Variants in CAMTA1 observed in about 807,000 individuals in gnomAD.
CAMTA1 encodes the protein calmodulin-binding transcription activator 1.
Under a neutral mutation model 170.9 loss-of-function variants are expected in CAMTA1, and 27 were observed. The ratio of observed to expected loss-of-function variants is 0.16; its 90% CI spans 0.12 to 0.22. CAMTA1 has a LOEUF of 0.22. Ranked by LOEUF, CAMTA1 falls within the 10% of genes least tolerant of loss-of-function variation. CAMTA1 has a pLI of 1.00. For missense variants in CAMTA1, 1,619 were observed against 2,217.2 expected (o/e 0.73, Z 5.42); for synonymous variants, 833 against 891.5 (o/e 0.93, Z 1.17).
chr1:7,577,710 T>C (rs1260862204), intron 6 of CAMTA1, among the ~76,000 whole-genome samples: 1 of 152,226 alleles, frequency 6.6e-6, no homozygotes, highest in Non-Finnish European at 1.5e-5. Context: ...CAGCCAATTT[T>C]TTCTTAAATG....
rs149969005 is a variant in CAMTA1 at position 6,820,106 on chromosome 1, G to T, written c.46-75G>T. On this transcript the variant is annotated intron_variant, in intron 1 of 22. Coordinates refer to ENST00000303635, the MANE Select transcript of CAMTA1 (RefSeq NM_015215.4). ...GATTAGATTCAGGTTTTGCATCTTG[G>T]CAGGAATATCACAGAAGAGCCAGAT... The T allele has an allele frequency of 7.3e-5, 64 of 881,548 alleles. No homozygotes were observed. In the East Asian group the frequency reaches 1.5e-3, roughly 21 times the overall value. The allele number at this position is 881,548 out of a possible 1,614,324, so 54.6% of individuals were successfully genotyped here.
intron 5 of CAMTA1, among the ~76,000 whole-genome samples, chr1:7,447,581 G>C (rs1235271013): frequency 6.6e-6 from 1 of 152,088 alleles, no homozygotes; most frequent in East Asian, 1.9e-4. Flanking sequence ...CCTGGCACTC[G>C]CTAGGCATAT....
intron 3 of CAMTA1, among the ~76,000 whole-genome samples, chr1:6,873,070 A>G (rs1557739889): frequency 1.3e-5 from 2 of 152,212 alleles, no homozygotes; most frequent in South Asian, 2.1e-4. Flanking sequence ...CTTGCCTAGT[A>G]TACTTGGATG....
rs59479089 is a variant in CAMTA1, at chr1:7,576,813, G to A, written c.511-63587G>A. On this transcript the variant is annotated intron_variant, in intron 6 of 22. Transcript: ENST00000303635. ...GAGAGTGCATGGCCCCAGGAAGGTC[G>A]GATTGTAGGAAAGATTGCCTGGCAG... Among the ~76,000 whole-genome samples, 615 of 152,262 alleles carry A rather than the reference G, an allele frequency of 4.0e-3. 5 individuals are homozygous for A. Among genetic ancestry groups the A allele is most frequent in the African/African-American group, 0.013 (548 of 41,542 alleles).
intron 5 of CAMTA1, among the ~76,000 whole-genome samples, chr1:7,391,531 T>C (rs1188332798): frequency 6.6e-6 from 1 of 152,186 alleles, no homozygotes; most frequent in Non-Finnish European, 1.5e-5. Context: ...AAATTCCGAC[T>C]TTCTGTGGCC....
At chr1:7,418,636 A>G (rs1051316805) in intron 5 of CAMTA1, among the ~76,000 whole-genome samples, 1 of 152,204 alleles carries the variant, frequency 6.6e-6, no homozygotes, top group Non-Finnish European at 1.5e-5. Context: ...TCCACTCCAC[A>G]TCGCCACTTG....
chr1:7,442,668 A>G (rs763301541), intron 5 of CAMTA1, among the ~76,000 whole-genome samples: 9 of 152,166 alleles, frequency 5.9e-5, no homozygotes, highest in Non-Finnish European at 7.3e-5. Flanking sequence ...GAGGTTCTCA[A>G]TCTCCCAGAG....
At chr1:7,459,554 T>A (rs1324662725) in intron 5 of CAMTA1, among the ~76,000 whole-genome samples, 1 of 152,144 alleles carries the variant, frequency 6.6e-6, no homozygotes, top group African/African-American at 2.4e-5. Context: ...AGGAACCACA[T>A]TTTTACCCCC....
At chr1:7,614,656 T>C (rs1212066738) in intron 6 of CAMTA1, among the ~76,000 whole-genome samples, 1 of 151,990 alleles carries the variant, frequency 6.6e-6, no homozygotes, top group African/African-American at 2.4e-5. Flanking sequence ...TTATCAACAG[T>C]AACAAATTTC....
chr1:7,496,484 G>A (rs760791522), intron 6 of CAMTA1, among the ~76,000 whole-genome samples: 28 of 152,178 alleles, frequency 1.8e-4, no homozygotes, highest in Non-Finnish European at 4.0e-4. Context: ...TGCGTGCCCA[G>A]GTCCTCCTGC....
chr1:7,164,288 A>C (rs1172656403), intron 4 of CAMTA1, among the ~76,000 whole-genome samples: 1 of 152,238 alleles, frequency 6.6e-6, no homozygotes, highest in African/African-American at 2.4e-5. Flanking sequence ...GCTATTTGGA[A>C]GTTGAGGCAG....
intron 3 of CAMTA1, among the ~76,000 whole-genome samples, chr1:6,916,608 TCTCTC>T (rs1220678304): frequency 2.6e-5 from 4 of 152,218 alleles, no homozygotes; most frequent in Non-Finnish European, 4.4e-5. Flanking sequence ...TTTTCTTTCT[TCTCTC>T]CTACTTTCTC....
intron 3 of CAMTA1, among the ~76,000 whole-genome samples, chr1:6,858,465 TG>T (rs1663269375): frequency 9.0e-6 from 1 of 110,790 alleles, no homozygotes; most frequent in Non-Finnish European, 1.8e-5. Flanking sequence ...GTGGTGGTGG[TG>T]GTGGTGTGTG....
rs1410540773 is a variant in CAMTA1, at chr1:7,114,531, C to T, written c.302+23160C>T. Among the ~76,000 whole-genome samples, 10 of 152,170 alleles carry T rather than the reference C, an allele frequency of 6.6e-5. No homozygotes were observed. The South Asian group carries it at 8.3e-4, about 13-fold the overall frequency. On this transcript the variant is annotated intron_variant, in intron 4 of 22. Coordinates refer to ENST00000303635, the MANE Select transcript of CAMTA1 (RefSeq NM_015215.4). ...ATTTGTGTTGGGCTGCATTCAAAGC[C>T]GTCCTGGGCTGCATGTGGCCTGTGG...
intron 6 of CAMTA1, among the ~76,000 whole-genome samples, chr1:7,605,486 G>T (rs1341152903): frequency 6.6e-6 from 1 of 151,542 alleles, no homozygotes; most frequent in Non-Finnish European, 1.5e-5. Flanking sequence ...TCTGAGCCAT[G>T]TGTGGGATAT....
At chr1:6,960,729 G>T (rs1010032928) in intron 3 of CAMTA1, among the ~76,000 whole-genome samples, 1 of 152,204 alleles carries the variant, frequency 6.6e-6, no homozygotes, top group African/African-American at 2.4e-5. Flanking sequence ...TTGTGTCATT[G>T]TGCCTGGGGC....
At chr1:6,927,209 A>G (rs115532146) in intron 3 of CAMTA1, among the ~76,000 whole-genome samples, 56 of 151,890 alleles carry the variant, frequency 3.7e-4, no homozygotes, top group African/African-American at 1.4e-3. Flanking sequence ...TCATTCATTC[A>G]TTTATTTTGT....
intron 6 of CAMTA1, among the ~76,000 whole-genome samples, chr1:7,484,349 C>A (rs1231810559): frequency 6.6e-6 from 1 of 152,216 alleles, no homozygotes; most frequent in Admixed American, 6.5e-5. Context: ...CCTGGGTGTT[C>A]ACACTGACCT....
At chr1:7,517,930 C>A (rs1204504336) in intron 6 of CAMTA1, among the ~76,000 whole-genome samples, 2 of 151,908 alleles carry the variant, frequency 1.3e-5, no homozygotes, top group Non-Finnish European at 2.9e-5. Context: ...CTCTGAGAGC[C>A]CAGGGTTAAG....
Sources: allele counts gnomAD v4.1 joint callset (sites outside exome capture counted in the v4.1 genomes callset), GRCh38; gene constraint gnomAD v4.1.1; transcripts MANE v1.5; gene names NCBI Gene and HGNC (gene_info 2026-07-23, HGNC 2026-07-21).